The following KTN1 variants were observed in gnomAD, a reference collection of about 807,000 sequenced individuals.
The protein encoded by KTN1 is kinectin.
In KTN1, 130 loss-of-function variants were observed where a neutral mutation model predicts 222.5. That is an observed-to-expected ratio of 0.58 (90% confidence interval 0.51 to 0.68). The LOEUF (loss-of-function observed/expected upper bound fraction) is 0.68. Among genes scored for constraint, KTN1 ranks in the 30% least tolerant of loss-of-function variants. The pLI is 0.00. For synonymous variants in KTN1, 512 were observed against 496.3 expected (o/e 1.03, Z -0.42); for missense variants, 1,508 against 1,500.4 (o/e 1.01, Z -0.08).
At position 55,659,535 on chromosome 14, in the gene KTN1, G is replaced by A. The variant is rs1273910482; in HGVS notation, c.2962-131G>A. 3 of 662,530 alleles carry A rather than the reference G, an allele frequency of 4.5e-6. No individual in the cohort carries two copies. In the African/African-American group the frequency reaches 5.5e-5, roughly 12 times the overall value. 41.0% of individuals were successfully genotyped at this position (662,530 alleles called of 1,614,324 possible). A position where few individuals can be genotyped will look rare whatever the true frequency, so the allele number is the denominator to read the frequency against. On this transcript the variant is annotated intron_variant, in intron 30 of 43. Transcript: ENST00000395314. ...ATTAAAATCACTTGATTAAAGTCAG[G>A]GTTACTGGCATATGAAATATATACT... is the stretch of plus-strand genomic sequence containing the variant.
At chr14:55,681,570 T>C (rs1052468637) in intron 43 of KTN1, 3 of 152,208 alleles carry the variant, frequency 2.0e-5, no homozygotes, top group African/African-American at 2.4e-5. Flanking sequence ...TGCAGAATTA[T>C]AGTAATTTAT....
intron 14 of KTN1, 54 bp downstream of exon 14, chr14:55,640,057 T>A: frequency 9.9e-7 from 1 of 1,013,518 alleles, no homozygotes; most frequent in Non-Finnish European, 1.6e-6. Context: ...AAATTTAAAT[T>A]ACTTTGATGC....
chr14:55,611,617 A>T (rs1220624998), intron 1 of KTN1, among the ~76,000 whole-genome samples: 1 of 152,164 alleles, frequency 6.6e-6, no homozygotes, highest in Non-Finnish European at 1.5e-5. Flanking sequence ...ATGTCCATTG[A>T]GTTGGTAATA....
intron 1 of KTN1, chr14:55,601,661 T>C (rs1297218690): frequency 6.6e-6 from 1 of 152,232 alleles, no homozygotes. Flanking sequence ...TTACTGCAAA[T>C]GGAATATACT....
At chr14:55,638,310 GTT>G (rs1486964271) in intron 12 of KTN1, among the ~76,000 whole-genome samples, 1 of 151,810 alleles carries the variant, frequency 6.6e-6, no homozygotes, top group African/African-American at 2.4e-5. Flanking sequence ...GCCTTCCAAA[GTT>G]TTCAAGTGAT....
chr14:55,626,011 C>G (rs1433927467), intron 5 of KTN1, among the ~76,000 whole-genome samples: 1 of 152,072 alleles, frequency 6.6e-6, no homozygotes, highest in Non-Finnish European at 1.5e-5. Context: ...AGTAATTGTA[C>G]TATAATATGG....
chr14:55,609,146 C>T (rs1021945607), intron 1 of KTN1, among the ~76,000 whole-genome samples: 2 of 152,028 alleles, frequency 1.3e-5, no homozygotes, highest in South Asian at 2.1e-4. Context: ...TACGTTCCCT[C>T]CTCTCAGCCC....
intron 31 of KTN1, among the ~76,000 whole-genome samples, chr14:55,660,645 A>G (rs889581325): frequency 2.0e-5 from 3 of 152,058 alleles, no homozygotes; most frequent in African/African-American, 7.2e-5. Context: ...AGAATTATTG[A>G]CTATTAAATC....
chr14:55,618,168 A>G (rs373633201), intron 4 of KTN1, 34 bp downstream of exon 4: 42 of 1,482,698 alleles, frequency 2.8e-5, no homozygotes, highest in African/African-American at 9.9e-5. Context: ...TTGTTGTACT[A>G]TAAAAACACA....
intron 43 of KTN1, 114 bp downstream of exon 43, chr14:55,679,799 T>A (rs1391686332): frequency 4.9e-5 from 55 of 1,117,006 alleles, no homozygotes; most frequent in Non-Finnish European, 7.0e-5. Flanking sequence ...TCTTTATCTC[T>A]CAGAACTTCC....
rs71448461 is a variant in KTN1, at chr14:55,631,341, G to GAGATAGATATATAGAT, written c.1221+1245_1221+1246insGATAGATATATAGATA. Reference sequence around the variant, plus strand: ...CTAAAACTCACCTATTGATAAGGTTGATATATATATATATATATATATATA... The same window carrying GAGATAGATATATAGAT: ...CTAAAACTCACCTATTGATAAGGTTGAGATAGATATATAGATATATATATATATATATATATATATA... On this transcript the variant is annotated intron_variant, in intron 7 of 43. Coordinates refer to ENST00000395314, the MANE Select transcript of KTN1 (RefSeq NM_001079521.2). Among the ~76,000 whole-genome samples, 3 of 114,718 alleles carry GAGATAGATATATAGAT rather than the reference G, an allele frequency of 2.6e-5. No homozygotes were observed. In the South Asian group the frequency reaches 8.5e-4, roughly 33 times the overall value. 75.3% of individuals were successfully genotyped at this position (114,718 alleles called of 152,430 possible).
At chr14:55,675,639 G>A (rs2045828002) in intron 40 of KTN1, 196 bp from the exon 41 acceptor site, 2 of 421,080 alleles carry the variant, frequency 4.7e-6, no homozygotes, top group African/African-American at 2.0e-5. Context: ...TCATTTCTGT[G>A]GCTTTTCTTA....
At chr14:55,630,178 A>G (rs2040357650) in intron 7 of KTN1, 81 bp downstream of exon 7, 2 of 1,262,288 alleles carry the variant, frequency 1.6e-6, no homozygotes, top group South Asian at 1.2e-5. Context: ...AGTATGTACA[A>G]GGCCCTTTCT....
chr14:55,594,333 A>T (rs1414273339), intron 1 of KTN1, among the ~76,000 whole-genome samples: 1 of 152,024 alleles, frequency 6.6e-6, no homozygotes, highest in Non-Finnish European at 1.5e-5. Flanking sequence ...ATTCAGCTCT[A>T]CAGAACACAT....
intron 13 of KTN1, 140 bp downstream of exon 13, chr14:55,639,362 C>CTTTTTTTT (rs369782699): frequency 8.0e-5 from 28 of 351,512 alleles, no homozygotes; most frequent in African/African-American, 1.2e-4. Flanking sequence ...GCAACTTTTG[C>CTTTTTTTT]TTTTTTTTTT....
At chr14:55,616,967 T>C (rs74053630) in intron 3 of KTN1, among the ~76,000 whole-genome samples, 24 of 152,330 alleles carry the variant, frequency 1.6e-4, no homozygotes, top group African/African-American at 5.8e-4. Flanking sequence ...TCTTGAAATT[T>C]TGTGCTTTTT....
At chr14:55,681,774 A>G (rs1443126262) in intron 43 of KTN1, 1 of 152,132 alleles carries the variant, frequency 6.6e-6, no homozygotes, top group Non-Finnish European at 1.5e-5. Flanking sequence ...GAACTTCTTC[A>G]TTCCTTAGGC....
chr14:55,585,849 T>C (rs2032875179), intron 1 of KTN1, among the ~76,000 whole-genome samples: 3 of 152,180 alleles, frequency 2.0e-5, no homozygotes, highest in Non-Finnish European at 4.4e-5. Flanking sequence ...ATAGGTTCCA[T>C]AGGGGCCGTA....
chr14:55,605,422 A>G (rs980268895), intron 1 of KTN1, among the ~76,000 whole-genome samples: 2 of 152,076 alleles, frequency 1.3e-5, no homozygotes, highest in Non-Finnish European at 2.9e-5. Flanking sequence ...GTGGGCTTAT[A>G]TCTGGATAAT....
Sources: allele counts gnomAD v4.1 joint callset (sites outside exome capture counted in the v4.1 genomes callset), GRCh38; gene constraint gnomAD v4.1.1; transcripts MANE v1.5; gene names NCBI Gene and HGNC (gene_info 2026-07-23, HGNC 2026-07-21).